COL11A1: variants seen among roughly 807,000 people sequenced by gnomAD.
COL11A1 encodes the protein collagen type XI alpha 1 chain.
In COL11A1, 74 loss-of-function variants were observed where a neutral mutation model predicts 265.2. The observed-to-expected ratio is 0.28, with a 90% CI of 0.23 to 0.34. The LOEUF (loss-of-function observed/expected upper bound fraction) is 0.34, where lower values mean the gene tolerates loss of function less well. COL11A1 is among the 10% of genes least tolerant of loss of function. The probability of loss-of-function intolerance (pLI) is 1.00; values close to 1 mark genes in which losing one functional copy is unlikely to be tolerated. For synonymous variants in COL11A1, 816 were observed against 727.6 expected, an observed-to-expected ratio of 1.12 and a Z score of -1.96; for missense variants, 2,165 against 2,263.6, an observed-to-expected ratio of 0.96 and a Z score of 0.88.
intron 4 of COL11A1, among the ~76,000 whole-genome samples, chr1:103,035,708 A>C (rs888164399): frequency 1.3e-5 from 2 of 152,056 alleles, no homozygotes; most frequent in African/African-American, 4.8e-5. Flanking sequence ...ATTCATCTAG[A>C]CAACCATATT....
At chr1:102,974,790 T>C (rs774796714) in intron 36 of COL11A1, 40 bp downstream of exon 36, 1 of 1,514,890 alleles carries the variant, frequency 6.6e-7, no homozygotes, top group Non-Finnish European at 9.2e-7. Flanking sequence ...AATGTAAAAA[T>C]ATCAAATGAA....
At chr1:103,056,203 G>A (rs1285315205) in intron 4 of COL11A1, among the ~76,000 whole-genome samples, 2 of 152,124 alleles carry the variant, frequency 1.3e-5, no homozygotes, top group Non-Finnish European at 2.9e-5. Context: ...GAAAAATGCA[G>A]GTTAGAAAGT....
intron 54 of COL11A1, among the ~76,000 whole-genome samples, chr1:102,902,810 T>C (rs1653386240): frequency 6.6e-6 from 1 of 151,084 alleles, no homozygotes; most frequent in African/African-American, 2.4e-5. Flanking sequence ...TATATAATAA[T>C]ACTTTATATG....
At chr1:103,051,305 G>C (rs1669804475) in intron 4 of COL11A1, among the ~76,000 whole-genome samples, 1 of 152,196 alleles carries the variant, frequency 6.6e-6, no homozygotes, top group Non-Finnish European at 1.5e-5. Context: ...GCAATGGCGG[G>C]TGCCCCTCCC....
chr1:102,970,497 T>C (rs1255638976), intron 36 of COL11A1, among the ~76,000 whole-genome samples: 1 of 152,196 alleles, frequency 6.6e-6, no homozygotes, highest in Non-Finnish European at 1.5e-5. Flanking sequence ...TTTCTGAATA[T>C]TTTACATTTA....
chr1:103,023,943 T>C (rs1667311403), intron 7 of COL11A1, among the ~76,000 whole-genome samples: 1 of 152,144 alleles, frequency 6.6e-6, no homozygotes, highest in Admixed American at 6.6e-5. Flanking sequence ...GAGTAAGGAA[T>C]AAATATTAAT....
At chr1:103,074,917 A>G in intron 3 of COL11A1, 137 bp from the exon 4 acceptor site, 1 of 1,013,760 alleles carries the variant, frequency 9.9e-7, no homozygotes, top group East Asian at 2.6e-5. Context: ...TCATTTATTA[A>G]GCAGCCAGTT....
chr1:102,935,387 A>T (rs1373210172), intron 44 of COL11A1, among the ~76,000 whole-genome samples: 1 of 152,240 alleles, frequency 6.6e-6, no homozygotes, highest in Non-Finnish European at 1.5e-5. Context: ...TTTCTATGCT[A>T]TCAGACATCA....
intron 38 of COL11A1, among the ~76,000 whole-genome samples, chr1:102,965,213 T>A (rs1418017523): frequency 1.3e-5 from 2 of 152,198 alleles, no homozygotes; most frequent in East Asian, 3.8e-4. Flanking sequence ...ATAGTCAGGC[T>A]TTAGTGTTAA....
intron 47 of COL11A1, 126 bp downstream of exon 47, chr1:102,923,210 A>G: frequency 1.3e-6 from 1 of 751,786 alleles, no homozygotes; most frequent in Non-Finnish European, 2.2e-6. Context: ...TAACTAAATC[A>G]TGTCAGTTGC....
intron 31 of COL11A1, among the ~76,000 whole-genome samples, chr1:102,983,445 G>A (rs12119459): frequency 0.12 from 18,992 of 151,982 alleles, 1,435 homozygotes; most frequent in Middle Eastern, 0.19. Flanking sequence ...ATCCAATGGC[G>A]AGTGTTCTTA....
At chr1:102,914,558 T>C in intron 51 of COL11A1, 146 bp downstream of exon 51, 7 of 967,180 alleles carry the variant, frequency 7.2e-6, no homozygotes, top group Non-Finnish European at 1.1e-5. Flanking sequence ...ATTAATTCAA[T>C]TGAGAATGCT....
At chr1:103,027,307 T>C (rs1179088645) in intron 5 of COL11A1, among the ~76,000 whole-genome samples, 1 of 148,462 alleles carries the variant, frequency 6.7e-6, no homozygotes, top group African/African-American at 2.5e-5. Flanking sequence ...TTATTAAACA[T>C]AAGTTAAATT....
At chr1:102,989,662 GA>G in intron 28 of COL11A1, 91 bp from the exon 29 acceptor site, 2 of 802,346 alleles carry the variant, frequency 2.5e-6, no homozygotes, top group South Asian at 3.3e-5. Flanking sequence ...TGCTGATAAC[GA>G]GGGAAAATTA....
In COL11A1 at chr1:103,025,555, G is replaced by A; in HGVS notation, c.956C>T (p.Thr319Ile). 6.2e-7 allele frequency: 1 copy of A among 1,613,584 alleles called. No individual in the cohort carries two copies. The highest frequency in any genetic ancestry group is 8.5e-7 in the Non-Finnish European group (1 of 1,179,706). ...YNYGTMESYQ[T>I]EAPRHVSGTN... is the part of the protein sequence containing the mutation. ...CCCAGAAACATGCCTAGGAGCTTCT[G>A]TCTGGTAACTTTCCATTGTTCCATA... Residue 319 changes from threonine (T) to isoleucine (I), a missense_variant, in exon 7 of 67, where the codon ACA (threonine) becomes ATA (isoleucine). Physicochemically the swap from Thr to Ile is moderately conservative, Grantham distance 89. Transcript: ENST00000370096.
At chr1:103,084,850 T>C (rs904130164) in intron 1 of COL11A1, among the ~76,000 whole-genome samples, 37 of 152,324 alleles carry the variant, frequency 2.4e-4, no homozygotes, top group African/African-American at 7.7e-4. Context: ...CTCACTGATA[T>C]AAACCAGAGT....
intron 41 of COL11A1, among the ~76,000 whole-genome samples, chr1:102,961,267 A>T (rs1443767257): frequency 6.6e-6 from 1 of 152,152 alleles, no homozygotes; most frequent in Non-Finnish European, 1.5e-5. Context: ...TCAAGAAAAA[A>T]ATGAGGTAAA....
intron 14 of COL11A1, among the ~76,000 whole-genome samples, chr1:103,010,294 G>T (rs1240829002): frequency 6.6e-6 from 1 of 151,978 alleles, no homozygotes; most frequent in African/African-American, 2.4e-5. Flanking sequence ...AGAGATATTT[G>T]GAAGACTAAT....
chr1:102,878,849 A>T (rs1323745744), intron 66 of COL11A1, among the ~76,000 whole-genome samples: 1 of 152,104 alleles, frequency 6.6e-6, no homozygotes, highest in Non-Finnish European at 1.5e-5. Flanking sequence ...TATAGTTAAG[A>T]TATACATAGT....
Sources: gnomAD v4.1 joint callset for allele counts (sites outside exome capture counted in the v4.1 genomes callset) on GRCh38, gnomAD v4.1.1 for gene constraint, MANE v1.5 for transcripts, NCBI Gene and HGNC (gene_info 2026-07-23, HGNC 2026-07-21) for gene names.